The following PHACTR3 variants were observed in gnomAD, a reference collection of about 807,000 sequenced individuals.
PHACTR3 encodes the protein protein phosphatase 1, regulatory subunit 123.
Under a neutral mutation model 66.8 loss-of-function variants are expected in PHACTR3, and 16 were observed. The ratio of observed to expected loss-of-function variants is 0.24; its 90% CI spans 0.16 to 0.36. PHACTR3 has a LOEUF of 0.36. PHACTR3 is among the 10% of genes least tolerant of loss of function. The probability of loss-of-function intolerance (pLI) is 1.00; values close to 1 mark genes in which losing one functional copy is unlikely to be tolerated. For missense variants in PHACTR3, 647 were observed against 719.9 expected (o/e 0.90, Z 1.16); for synonymous variants, 323 against 292.1 (o/e 1.11, Z -1.08).
intron 7 of PHACTR3, among the ~76,000 whole-genome samples, chr20:59,802,318 G>A (rs892033811): frequency 6.6e-6 from 1 of 152,172 alleles, no homozygotes; most frequent in African/African-American, 2.4e-5. Flanking sequence ...TTTGAGGATT[G>A]GGTCCTGGGC....
intron 7 of PHACTR3, among the ~76,000 whole-genome samples, chr20:59,797,125 C>T (rs779231879): frequency 5.3e-5 from 8 of 152,014 alleles, no homozygotes; most frequent in Non-Finnish European, 8.8e-5. Context: ...TGTTGAAGCT[C>T]TCAATTTAAA....
At chr20:59,676,467 C>T (rs866064467) in intron 1 of PHACTR3, among the ~76,000 whole-genome samples, 1 of 152,066 alleles carries the variant, frequency 6.6e-6, no homozygotes, top group African/African-American at 2.4e-5. Context: ...CCCACCCCCA[C>T]CTCATCTCTG....
At chr20:59,808,437 G>A (rs1319774841) in intron 8 of PHACTR3, among the ~76,000 whole-genome samples, 1 of 152,242 alleles carries the variant, frequency 6.6e-6, no homozygotes, top group South Asian at 2.1e-4. Flanking sequence ...CGTCCCAGGA[G>A]CCACAGTCCA....
intron 1 of PHACTR3, among the ~76,000 whole-genome samples, chr20:59,631,305 G>A (rs1471922260): frequency 6.6e-6 from 1 of 152,106 alleles, no homozygotes; most frequent in Non-Finnish European, 1.5e-5. Flanking sequence ...TGACGCTTGG[G>A]TAGGGCCTGA....
At chr20:59,808,962 C>T (rs937940042) in intron 8 of PHACTR3, among the ~76,000 whole-genome samples, 1 of 152,198 alleles carries the variant, frequency 6.6e-6, no homozygotes, top group African/African-American at 2.4e-5. Context: ...GACCACCAAA[C>T]GTGTCCCAGA....
Position 59,773,401 on chromosome 20 carries a change from C to T in PHACTR3, c.874C>T (p.Arg292Cys), listed in dbSNP as rs770872817. The T allele has an allele frequency of 1.9e-5, 30 of 1,614,020 alleles. 1 individual carries two copies. In the Admixed American group the frequency reaches 2.2e-4, roughly 12 times the overall value. Residue 292 changes from arginine (R) to cysteine (C), a missense_variant, in exon 6 of 13, where the codon CGC (arginine) becomes TGC (cysteine). Around this residue, in one of 2 missense-constraint regions of PHACTR3, gnomAD observed 577 missense variants for 571.1 expected, o/e 1.01. Coordinates refer to ENST00000371015, the MANE Select transcript of PHACTR3 (RefSeq NM_080672.5). ...GGTCCACCGGCCTCTTCCCCCAAGC[C>T]GCGTCATTGAGGAGCTGCACAGGGC... Reference protein sequence around the residue: ...TTVHRPLPPSRVIEELHRALA... With the variant: ...TTVHRPLPPSCVIEELHRALA...
intron 1 of PHACTR3, among the ~76,000 whole-genome samples, chr20:59,678,041 C>G (rs1443798956): frequency 3.3e-5 from 5 of 152,286 alleles, no homozygotes; most frequent in African/African-American, 9.6e-5. Flanking sequence ...AATAAGAGGC[C>G]AGTATGAAAA....
intron 7 of PHACTR3, among the ~76,000 whole-genome samples, chr20:59,797,721 T>C (rs893815643): frequency 6.6e-6 from 1 of 152,194 alleles, no homozygotes; most frequent in Non-Finnish European, 1.5e-5. Flanking sequence ...TCTATGTACA[T>C]TGAGGTAATT....
In PHACTR3 at chr20:59,829,462, C is replaced by T. The variant is rs1176780012; in HGVS notation, c.1329-7043C>T. Reference sequence around the variant, plus strand: ...GACACACCCACATTGCTCTGACGCTCTGAGACATAGGGTCAATGTGCCTGT... The same window carrying T: ...GACACACCCACATTGCTCTGACGCTTTGAGACATAGGGTCAATGTGCCTGT... On this transcript the variant is annotated intron_variant, in intron 8 of 12. Coordinates refer to ENST00000371015, the MANE Select transcript of PHACTR3 (RefSeq NM_080672.5). The surrounding 1 kb of genome is among the most constrained non-coding windows in gnomAD (Gnocchi z 4.2). Among the ~76,000 whole-genome samples the T allele has an allele frequency of 1.3e-5, 2 of 152,224 alleles. No individual in the cohort carries two copies. Among genetic ancestry groups the T allele is most frequent in the African/African-American group, 4.8e-5 (2 of 41,446 alleles).
At chr20:59,763,799 A>G (rs1327681888) in intron 4 of PHACTR3, among the ~76,000 whole-genome samples, 1 of 152,132 alleles carries the variant, frequency 6.6e-6, no homozygotes, top group Non-Finnish European at 1.5e-5. Flanking sequence ...AGGTGGCCAG[A>G]GCTCCAGGGG....
intron 10 of PHACTR3, among the ~76,000 whole-genome samples, 167 bp downstream of exon 10, chr20:59,840,597 A>T (rs2059040945): frequency 1.3e-5 from 2 of 152,218 alleles, no homozygotes. Flanking sequence ...GCAACAATGA[A>T]TTAACTCCCT....
At chr20:59,662,560 T>C (rs1244581545) in intron 1 of PHACTR3, among the ~76,000 whole-genome samples, 1 of 152,186 alleles carries the variant, frequency 6.6e-6, no homozygotes, top group Admixed American at 6.5e-5. Flanking sequence ...AGAGGCTGCA[T>C]CCTGGTGGCT....
chr20:59,684,482 A>T (rs1478646743), intron 1 of PHACTR3, among the ~76,000 whole-genome samples: 1 of 152,126 alleles, frequency 6.6e-6, no homozygotes, highest in African/African-American at 2.4e-5. Context: ...ACAGGCAAGG[A>T]TGCTCCTGTA....
intron 1 of PHACTR3, among the ~76,000 whole-genome samples, chr20:59,610,767 G>C (rs989935635): frequency 2.6e-5 from 4 of 152,142 alleles, no homozygotes; most frequent in Non-Finnish European, 5.9e-5. Context: ...TTTTGGCTGT[G>C]TCACCAGTGC....
At chr20:59,672,041 C>T (rs978273465) in intron 1 of PHACTR3, among the ~76,000 whole-genome samples, 1 of 152,216 alleles carries the variant, frequency 6.6e-6, no homozygotes, top group Non-Finnish European at 1.5e-5. Flanking sequence ...TCTGGAGTCC[C>T]GTGGCTGTAA....
At chr20:59,622,712 G>T (rs1354653190) in intron 1 of PHACTR3, among the ~76,000 whole-genome samples, 1 of 151,994 alleles carries the variant, frequency 6.6e-6, no homozygotes, top group African/African-American at 2.4e-5. Flanking sequence ...GGGAGACCAG[G>T]GGTTAGAGAT....
intron 1 of PHACTR3, among the ~76,000 whole-genome samples, chr20:59,618,067 C>T (rs984261073): frequency 6.6e-6 from 1 of 152,172 alleles, no homozygotes; most frequent in Non-Finnish European, 1.5e-5. Context: ...CAGGGGAGGG[C>T]ACTTGAGTTA....
intron 11 of PHACTR3, chr20:59,843,832 CTA>C (rs1186076970): frequency 6.6e-6 from 1 of 151,862 alleles, no homozygotes; most frequent in Non-Finnish European, 1.5e-5. Flanking sequence ...ACAAATGAGA[CTA>C]TATTAAACTA....
rs1454584373 is a variant in PHACTR3 at position 59,830,700 on chromosome 20, C to G, written c.1329-5805C>G. Among the ~76,000 whole-genome samples, 1 of 152,164 alleles carries G rather than the reference C, an allele frequency of 6.6e-6. No individual in the cohort carries two copies. The highest frequency in any genetic ancestry group is 1.5e-5 in the Non-Finnish European group (1 of 68,022). On this transcript the variant is annotated intron_variant, in intron 8 of 12. Coordinates refer to ENST00000371015, the MANE Select transcript of PHACTR3 (RefSeq NM_080672.5). The surrounding 1 kb of genome is among the most constrained non-coding windows in gnomAD (Gnocchi z 5.8). ...ATGATGCCACCTATTTGTGTGTCAACCTCCTCCTGTATTTAGTGTTCTCGA... is the reference window on the plus strand; with the variant it reads ...ATGATGCCACCTATTTGTGTGTCAAGCTCCTCCTGTATTTAGTGTTCTCGA...
Sources: gnomAD v4.1 joint callset for allele counts (sites outside exome capture counted in the v4.1 genomes callset) on GRCh38, gnomAD v4.1.1 for gene constraint, gnomAD v4.1.1 regional missense constraint, Gnocchi (gnomAD v3.1) non-coding constraint, MANE v1.5 for transcripts, NCBI Gene and HGNC (gene_info 2026-07-23, HGNC 2026-07-21) for gene names.